The following LPCAT1 variants were observed in gnomAD, a reference collection of about 807,000 sequenced individuals.
LPCAT1 encodes the protein 1-acylglycerol-3-phosphate O-acyltransferase.
A neutral mutation model predicts 60.9 loss-of-function variants in LPCAT1; 23 were observed. The observed-to-expected ratio is 0.38, with a 90% confidence interval of 0.27 to 0.53. LPCAT1 has a LOEUF of 0.53. LPCAT1 is among the 20% of genes least tolerant of loss of function. LPCAT1 has a pLI of 0.82. For synonymous variants in LPCAT1, 340 were observed against 301.1 expected, an observed-to-expected ratio of 1.13 and a Z score of -1.34; for missense variants, 622 against 723.6, an observed-to-expected ratio of 0.86 and a Z score of 1.61.
At chr5:1,489,937 G>T in intron 3 of LPCAT1, 79 bp from the exon 4 acceptor site, 1 of 1,030,504 alleles carries the variant, frequency 9.7e-7, no homozygotes, top group Non-Finnish European at 1.5e-6. Flanking sequence ...GGGGGCTGCT[G>T]CATGGCGCCC....
At chr5:1,489,670 TTC>T in intron 4 of LPCAT1, 74 bp downstream of exon 4, 3 of 1,101,676 alleles carry the variant, frequency 2.7e-6, no homozygotes, top group Non-Finnish European at 4.2e-6. Flanking sequence ...GGGCCCCAGT[TTC>T]TTTCTCCCCA....
intron 11 of LPCAT1, among the ~76,000 whole-genome samples, chr5:1,472,285 A>G (rs371412865): frequency 2.0e-5 from 3 of 152,222 alleles, no homozygotes; most frequent in African/African-American, 7.2e-5. Flanking sequence ...GAGGACTTTG[A>G]CCAGTAGTTG....
chr5:1,514,171 C>G (rs538954830), intron 1 of LPCAT1, among the ~76,000 whole-genome samples: 1 of 152,328 alleles, frequency 6.6e-6, no homozygotes, highest in Non-Finnish European at 1.5e-5. Flanking sequence ...TCCTGGGAGG[C>G]ACCAGCTTTG....
At chr5:1,511,412 G>A (rs891780224) in intron 1 of LPCAT1, among the ~76,000 whole-genome samples, 2 of 152,042 alleles carry the variant, frequency 1.3e-5, no homozygotes, top group African/African-American at 4.8e-5. Flanking sequence ...CACCCTACAT[G>A]GGGATGCACC....
At chr5:1,489,220 G>C (rs1735479954) in intron 4 of LPCAT1, among the ~76,000 whole-genome samples, 1 of 152,240 alleles carries the variant, frequency 6.6e-6, no homozygotes, top group Admixed American at 6.5e-5. Context: ...ACCCTGCAAA[G>C]CTTCGTGAGC....
intron 1 of LPCAT1, among the ~76,000 whole-genome samples, chr5:1,508,024 G>A (rs993129080): frequency 1.3e-5 from 2 of 152,224 alleles, no homozygotes; most frequent in Non-Finnish European, 2.9e-5. Context: ...TCCACCTTGC[G>A]AGGACACAGA....
chr5:1,492,557 T>C (rs1409830198), intron 3 of LPCAT1, among the ~76,000 whole-genome samples: 1 of 151,022 alleles, frequency 6.6e-6, no homozygotes, highest in African/African-American at 2.4e-5. Context: ...GTCACTATCC[T>C]CTCCCTCGCA....
chr5:1,493,337 CT>C (rs1427008354), intron 3 of LPCAT1, among the ~76,000 whole-genome samples: 1 of 152,284 alleles, frequency 6.6e-6, no homozygotes, highest in Non-Finnish European at 1.5e-5. Flanking sequence ...CCTCACCCCA[CT>C]TCCAGCCTTC....
At chr5:1,491,892 A>G (rs2126557564) in intron 3 of LPCAT1, among the ~76,000 whole-genome samples, 1 of 152,378 alleles carries the variant, frequency 6.6e-6, no homozygotes, top group Admixed American at 6.5e-5. Flanking sequence ...CATTTTCAAC[A>G]TTCATCTCTT....
rs1405686198 is a variant in LPCAT1, at chr5:1,522,573, G to C, written c.135+1137C>G. Among the ~76,000 whole-genome samples, 1 of 152,176 alleles carries C rather than the reference G, an allele frequency of 6.6e-6. No individual in the cohort carries two copies. Among genetic ancestry groups the C allele is most frequent in the African/African-American group, 2.4e-5 (1 of 41,432 alleles). On this transcript the variant is annotated intron_variant, in intron 1 of 13. Coordinates refer to ENST00000283415, the MANE Select transcript of LPCAT1 (RefSeq NM_024830.5). The surrounding 1 kb of genome is among the most constrained non-coding windows in gnomAD (Gnocchi z 6.8). ...CCCTTCCATACCCTGAGGACCAGCC[G>C]CATCAAGGGGCTTTGAGCAAAAGCA...
rs371978316 is a variant in LPCAT1, at chr5:1,474,015, G to A, written c.1121C>T (p.Ala374Val). 4.8e-5 allele frequency: 78 copies of A among 1,614,070 alleles called. No individual in the cohort carries two copies. The highest frequency in any genetic ancestry group is 5.0e-5 in the Non-Finnish European group (59 of 1,180,048). ...GEKIGIAEFA[A>V]SLEVPVSDLL... ...GTCAGAAACGGGGACTTCCAGGGAG[G>A]CGGCAAACTCCGCAATACCTATCTT... The change falls in exon 11 of 14, where the codon GCC (alanine) becomes GTC (valine). Residue 374 changes from alanine to valine, a missense_variant. By Grantham distance (64) the Ala-to-Val change is moderately conservative (BLOSUM62 0). This residue lies in a region of LPCAT1 where 288 missense variants were observed against 283.6 expected (regional missense o/e 1.02). Coordinates refer to ENST00000283415, the MANE Select transcript of LPCAT1 (RefSeq NM_024830.5).
Position 1,480,230 on chromosome 5 carries a change from C to A in LPCAT1, c.762-555G>T. 1 of 683,772 alleles carries A rather than the reference C, an allele frequency of 1.5e-6. No individual in the cohort carries two copies. The allele number at this position is 683,772 out of a possible 1,614,324, so 42.4% of individuals were successfully genotyped here. On this transcript the variant is annotated intron_variant, in intron 7 of 13. Transcript: ENST00000283415. The surrounding 1 kb of genome is among the most constrained non-coding windows in gnomAD (Gnocchi z 6.4). ...CCGGGACCCCAGAACCCCTATACCC[C>A]CCAGAGCCCCCTCCCAGCTCTGCTC...
chr5:1,515,565 C>T (rs1736483916), intron 1 of LPCAT1, among the ~76,000 whole-genome samples: 1 of 151,930 alleles, frequency 6.6e-6, no homozygotes, highest in East Asian at 1.9e-4. Flanking sequence ...TTGGCCCAAC[C>T]CCCTGGCCTG....
Position 1,467,027 on chromosome 5 carries a change from G to T in LPCAT1, c.1279-137C>A, listed in dbSNP as rs1224188653. On this transcript the variant is annotated intron_variant, in intron 12 of 13. Coordinates refer to ENST00000283415, the MANE Select transcript of LPCAT1 (RefSeq NM_024830.5). ...TGCAGGGCCGGCGGCTGGACACGGG[G>T]GACTCGAACTTCCATGTGGAGCCAT... 5 of 912,496 alleles carry T rather than the reference G, an allele frequency of 5.5e-6. No homozygotes were observed. In the Admixed American group the frequency reaches 2.0e-4, roughly 36 times the overall value. 56.5% of individuals were successfully genotyped at this position (912,496 alleles called of 1,614,324 possible). A position where few individuals can be genotyped will look rare whatever the true frequency, so the allele number is the denominator to read the frequency against.
rs149874412 is a variant in LPCAT1 at position 1,494,797 on chromosome 5, G to A, written c.396C>T (p.Leu132=). 1.7e-5 allele frequency: 28 copies of A among 1,614,008 alleles called. No individual in the cohort carries two copies. Among genetic ancestry groups the A allele is most frequent in the South Asian group, 2.2e-5 (2 of 91,090 alleles). The change falls in exon 3 of 14, where the codon CTC becomes CTT. Residue 132 remains leucine (L), a synonymous_variant. Transcript: ENST00000283415. ...ALPTEAAILT[L]APHSSYFDAI... ...CGTCGAAGTAGGACGAGTGAGGCGC[G>A]AGCGTGAGGATGGCCGCCTCGGTGG...
At chr5:1,503,287 C>G (rs1001075874) in intron 1 of LPCAT1, among the ~76,000 whole-genome samples, 3 of 152,252 alleles carry the variant, frequency 2.0e-5, no homozygotes, top group African/African-American at 7.2e-5. Context: ...ACGATCGTCA[C>G]TGTTCCACAT....
intron 13 of LPCAT1, among the ~76,000 whole-genome samples, chr5:1,465,038 AAC>A (rs1340026792): frequency 6.2e-4 from 87 of 141,318 alleles, no homozygotes; most frequent in African/African-American, 1.2e-3. Context: ...AGGCACACTA[AAC>A]ACACATGCGC....
chr5:1,471,030 C>T, intron 11 of LPCAT1, 106 bp from the exon 12 acceptor site: 1 of 811,282 alleles, frequency 1.2e-6, no homozygotes. Context: ...GTCCCACTCT[C>T]ACTCGGGAAC....
Position 1,489,520 on chromosome 5 carries a change from G to A in LPCAT1, c.606+226C>T, listed in dbSNP as rs144986200. 2.5e-3 allele frequency among the ~76,000 whole-genome samples: 385 copies of A among 152,330 alleles called. 3 individuals are homozygous for A. Among genetic ancestry groups the A allele is most frequent in the Middle Eastern group, 0.017 (5 of 294 alleles). On this transcript the variant is annotated intron_variant, in intron 4 of 13. Transcript: ENST00000283415. ...ACTTAGTTCAGAAAAGATGATTCAG[G>A]AAGCTGAGATGCATTTGAGAATTGT...
Sources: allele counts gnomAD v4.1 joint callset (sites outside exome capture counted in the v4.1 genomes callset), GRCh38; gene constraint gnomAD v4.1.1; regional missense constraint gnomAD v4.1.1; non-coding constraint Gnocchi (gnomAD v3.1); transcripts MANE v1.5; gene names NCBI Gene and HGNC (gene_info 2026-07-23, HGNC 2026-07-21).